FBXL6: variants seen among roughly 807,000 people sequenced by gnomAD.
The protein encoded by FBXL6 is F-box/LRR-repeat protein 6.
Under a neutral mutation model 53.3 loss-of-function variants are expected in FBXL6, and 50 were observed. The observed-to-expected ratio is 0.94, with a 90% confidence interval of 0.75 to 1.19. FBXL6 has a LOEUF of 1.19. FBXL6 is among the 50% of genes most tolerant of loss of function. The pLI is 0.00. For missense variants in FBXL6, 815 were observed against 719.0 expected (o/e 1.13, Z -1.53); for synonymous variants, 405 against 322.9 (o/e 1.25, Z -2.73).
At position 144,357,035 on chromosome 8, in the gene FBXL6, G is replaced by C. The variant is rs868959251; in HGVS notation, c.726C>G (p.Ala242=). Residue 242 remains alanine, a synonymous_variant, in exon 4 of 9, where the codon GCC becomes GCG. Coordinates refer to ENST00000331890, the MANE Select transcript of FBXL6 (RefSeq NM_012162.4). ...GGCTATGGAGCTGGCAGCAGGCTTT[G>C]GCTAGCATGACCAGAGCGTCAGCAG... ...GVTADALVML[A]KACCQLHSLD... 1 of 1,613,036 alleles carries C rather than the reference G, an allele frequency of 6.2e-7. No individual in the cohort carries two copies. Among genetic ancestry groups the C allele is most frequent in the Non-Finnish European group, 8.5e-7 (1 of 1,180,024 alleles).
Position 144,357,761 on chromosome 8 carries a change from G to A in FBXL6, c.442C>T (p.Gln148Ter). The change falls in exon 2 of 9, where the codon CAG becomes TAG. Residue 148 changes from glutamine (Q) to a stop codon, truncating the protein, a stop_gained. Coordinates refer to ENST00000331890, the MANE Select transcript of FBXL6 (RefSeq NM_012162.4). LOFTEE classifies it high-confidence loss of function. The part of the protein sequence containing the change: ...GRAARVCRRW[Q>*]EAASQPALWH... Reference sequence around the variant, plus strand: ...AGCGCGGGTTGGGAAGCGGCCTCCTGCCAGCGGCGGCACACGCGCGCAGCC... The same window carrying A: ...AGCGCGGGTTGGGAAGCGGCCTCCTACCAGCGGCGGCACACGCGCGCAGCC... 1.3e-6 allele frequency: 2 copies of A among 1,589,208 alleles called. No individual in the cohort carries two copies. Among genetic ancestry groups the A allele is most frequent in the Non-Finnish European group, 1.7e-6 (2 of 1,170,554 alleles).
chr8:144,356,642 C>T lies in FBXL6; in HGVS notation c.951G>A (p.Gln317=). 1.2e-6 allele frequency: 2 copies of T among 1,612,930 alleles called. No individual in the cohort carries two copies. Among genetic ancestry groups the T allele is most frequent in the Non-Finnish European group, 1.7e-6 (2 of 1,179,972 alleles). The change falls in exon 6 of 9, where the codon CAG becomes CAA. Residue 317 remains glutamine (Q), a synonymous_variant. Coordinates refer to ENST00000331890, the MANE Select transcript of FBXL6 (RefSeq NM_012162.4). ...CTTTCTGCAGAGCCTCGACAGGCAG[C>T]TGAAGGGGAATGCTATTACGGTTGA... ...TGINRNSIPL[Q]LPVEALQKGC... is the part of the protein sequence containing the mutation.
In FBXL6 at chr8:144,355,561, C is replaced by T. The variant is rs1554852510; in HGVS notation, c.1590G>A (p.Glu530=). The change falls in exon 9 of 9, where the codon GAG becomes GAA. Residue 530 remains glutamate, a synonymous_variant. Coordinates refer to ENST00000331890, the MANE Select transcript of FBXL6 (RefSeq NM_012162.4). The part of the protein sequence containing the change: ...RGLEEVQWCL[E]QLLTSPSPS ...TGGGTGAGGGGCTGGTGAGCAGCTG[C>T]TCCAGACACCACTGGACTTCCTCCA... The T allele has an allele frequency of 1.9e-6, 3 of 1,611,256 alleles. No individual in the cohort carries two copies. The highest frequency in any genetic ancestry group is 1.7e-6 in the Non-Finnish European group (2 of 1,179,908).
At position 144,355,535 on chromosome 8, in the gene FBXL6, C is replaced by G. The variant is rs782255518; in HGVS notation, c.1616G>C (p.Ser539Thr). ...GTGTCCCAGGTCTGTGGCTGCCTAG[C>G]TGGGTGAGGGGCTGGTGAGCAGCTG... ...LEQLLTSPSP[S>T] Residue 539 changes from serine to threonine, a missense_variant, in exon 9 of 9, where the codon AGC (serine) becomes ACC (threonine). Transcript: ENST00000331890. The G allele has an allele frequency of 6.2e-7, 1 of 1,608,212 alleles. No homozygotes were observed. The highest frequency in any genetic ancestry group is 1.3e-5 in the African/African-American group (1 of 74,830).
At position 144,357,611 on chromosome 8, in the gene FBXL6, G is replaced by T; in HGVS notation, c.575+17C>A. 6.2e-7 allele frequency: 1 copy of T among 1,605,650 alleles called. No homozygotes were observed. Among genetic ancestry groups the T allele is most frequent in the South Asian group, 1.1e-5 (1 of 90,720 alleles). ...GGAGCCTGGAGCCAGGGGTAAGGAAGAGAGGGAACCCCTCACCGATTGGGC... is the reference window on the plus strand; with the variant it reads ...GGAGCCTGGAGCCAGGGGTAAGGAATAGAGGGAACCCCTCACCGATTGGGC... On this transcript the variant is annotated intron_variant, in intron 2 of 8. Coordinates refer to ENST00000331890, the MANE Select transcript of FBXL6 (RefSeq NM_012162.4).
chr8:144,358,190 C>T lies in FBXL6; in HGVS notation c.258G>A (p.Arg86=). The change falls in exon 1 of 9, where the codon AGG becomes AGA. Residue 86 remains arginine (R), a synonymous_variant. Coordinates refer to ENST00000331890, the MANE Select transcript of FBXL6 (RefSeq NM_012162.4). ...GTGCGGGCGCGGCCGCCGCCTCGGACCTGAGCCCGGCCTTGGGCTTGGCCG... is the reference window on the plus strand; with the variant it reads ...GTGCGGGCGCGGCCGCCGCCTCGGATCTGAGCCCGGCCTTGGGCTTGGCCG... ...SAAAKPKAGL[R]SEAAAAPAPA... The T allele has an allele frequency of 7.2e-7, 1 of 1,390,746 alleles. No individual in the cohort carries two copies. The highest frequency in any genetic ancestry group is 9.3e-7 in the Non-Finnish European group (1 of 1,078,100). 86.2% of individuals were successfully genotyped at this position (1,390,746 alleles called of 1,614,324 possible).
chr8:144,355,767 C>G (rs1211191504), intron 8 of FBXL6, 89 bp from the exon 9 acceptor site: 1 of 1,548,954 alleles, frequency 6.5e-7, no homozygotes, highest in African/African-American at 1.4e-5. Context: ...GTGTTCGACA[C>G]CTGGCTCTGC....
At chr8:144,355,850 G>A in intron 8 of FBXL6, 118 bp downstream of exon 8, 2 of 1,538,266 alleles carry the variant, frequency 1.3e-6, no homozygotes, top group Non-Finnish European at 1.8e-6. Context: ...GGCTTGGACA[G>A]TATGCATGCC....
chr8:144,358,100 G>C lies in FBXL6; in HGVS notation c.348C>G (p.Pro116=). 3.8e-6 allele frequency: 6 copies of C among 1,597,288 alleles called. No individual in the cohort carries two copies. Among genetic ancestry groups the C allele is most frequent in the Non-Finnish European group, 5.1e-6 (6 of 1,175,054 alleles). Residue 116 remains proline (P), a synonymous_variant, in exon 1 of 9, where the codon CCC becomes CCG. Coordinates refer to ENST00000331890, the MANE Select transcript of FBXL6 (RefSeq NM_012162.4). ...GPDAGWGDRI[P]LEILVQIFGL... is the part of the protein sequence containing the mutation. ...CGAAAATCTGCACCAGGATTTCCAA[G>C]GGAATGCGGTCTCCCCAGCCCGCGT...
rs200585055 is a variant in FBXL6 at position 144,356,520 on chromosome 8, C to G, written c.1005G>C (p.Leu335=). 4 of 1,612,826 alleles carry G rather than the reference C, an allele frequency of 2.5e-6. No homozygotes were observed. The highest frequency in any genetic ancestry group is 3.4e-6 in the Non-Finnish European group (4 of 1,179,986). Residue 335 remains leucine, a synonymous_variant, in exon 7 of 9, where the codon CTG becomes CTC. Coordinates refer to ENST00000331890, the MANE Select transcript of FBXL6 (RefSeq NM_012162.4). Reference sequence around the variant, plus strand: ...GCTTGGGCAGCCACATCAGGTTCAACAGCCGCAGCACCTGGGGGCAAGGTC... The same window carrying G: ...GCTTGGGCAGCCACATCAGGTTCAAGAGCCGCAGCACCTGGGGGCAAGGTC... ...KGCPQLQVLR[L]LNLMWLPKPP...
intron 3 of FBXL6, 130 bp from the exon 4 acceptor site, chr8:144,357,251 G>T: frequency 7.4e-7 from 1 of 1,359,206 alleles, no homozygotes; most frequent in South Asian, 1.4e-5. Flanking sequence ...CCCATGCCAG[G>T]CCTACTTGGG....
In FBXL6 at chr8:144,356,535, G is replaced by A. The variant is rs868975164; in HGVS notation, c.994-4C>T. ...TCAGGTTCAACAGCCGCAGCACCTG[G>A]GGGCAAGGTCCAGGCTGTAGATGGG... On this transcript the variant is annotated splice_region_variant and splice_polypyrimidine_tract_variant and intron_variant, in intron 6 of 8. Transcript: ENST00000331890. 1.2e-6 allele frequency: 2 copies of A among 1,612,932 alleles called. No homozygotes were observed. The highest frequency in any genetic ancestry group is 1.7e-6 in the Non-Finnish European group (2 of 1,179,926).
intron 8 of FBXL6, 38 bp downstream of exon 8, chr8:144,355,918 ACACAGTGACAGC>A (rs1461491996): frequency 6.2e-7 from 1 of 1,602,692 alleles, no homozygotes; most frequent in Non-Finnish European, 8.5e-7. Context: ...CCCCAGGCAG[ACACAGTGACAGC>A]CACACTGGCT....
Position 144,356,805 on chromosome 8 carries a change from T to TA in FBXL6, c.879+2dup. 6.2e-7 allele frequency: 1 copy of TA among 1,613,196 alleles called. No homozygotes were observed. Among genetic ancestry groups the TA allele is most frequent in the Non-Finnish European group, 8.5e-7 (1 of 1,179,972 alleles). On this transcript the variant is annotated splice_region_variant and intron_variant, in intron 5 of 8. Coordinates refer to ENST00000331890, the MANE Select transcript of FBXL6 (RefSeq NM_012162.4). ...GCCTCTGCTCCCACCAATGCCAACT[T>TA]ACCAGCAGTGCGCCCAGGATGGCTG...
In FBXL6 at chr8:144,358,137, T is replaced by C; in HGVS notation, c.311A>G (p.Glu104Gly). 1.3e-6 allele frequency: 2 copies of C among 1,564,282 alleles called. No homozygotes were observed. The highest frequency in any genetic ancestry group is 2.8e-5 in the African/African-American group (2 of 70,650). Residue 104 changes from glutamate (E) to glycine (G), a missense_variant, in exon 1 of 9, where the codon GAG becomes GGG. Transcript: ENST00000331890. ...TCCCCAGCCCGCGTCGGGCCCTTCC[T>C]CGGGCGTGGGCGTGGGTGCCGGTGC... ...APAPAPTPTP[E>G]EGPDAGWGDR...
In FBXL6 at chr8:144,358,262, G is replaced by T; in HGVS notation, c.186C>A (p.Arg62=). ...GCTGCCGGGGAGTGCGGCGGGAAGC[G>T]CGCCGCTGTGCGCGGGGCCGGGCGG... The part of the protein sequence containing the change: ...PGPARPRAQR[R]ASRRTPRQPP... The change falls in exon 1 of 9, where the codon CGC becomes CGA. Residue 62 remains arginine (R), a synonymous_variant. Transcript: ENST00000331890. 8.2e-7 allele frequency: 1 copy of T among 1,220,278 alleles called. No homozygotes were observed. The highest frequency in any genetic ancestry group is 1.0e-6 in the Non-Finnish European group (1 of 980,376). 75.6% of individuals were successfully genotyped at this position (1,220,278 alleles called of 1,614,324 possible).
intron 5 of FBXL6, 38 bp from the exon 6 acceptor site, chr8:144,356,751 G>C: frequency 6.2e-7 from 1 of 1,611,440 alleles, no homozygotes; most frequent in Non-Finnish European, 8.5e-7. Flanking sequence ...CACAGGGTCA[G>C]TGGCCTGGCA....
chr8:144,357,298 A>G (rs1306566683), intron 3 of FBXL6, 141 bp downstream of exon 3: 2 of 1,268,552 alleles, frequency 1.6e-6, no homozygotes, highest in Admixed American at 4.6e-5. Flanking sequence ...TGGAGGAAAC[A>G]GCAGGAAAAG....
In FBXL6 at chr8:144,356,180, C is replaced by T. The variant is rs1163551355; in HGVS notation, c.1260G>A (p.Thr420=). 3.7e-6 allele frequency: 6 copies of T among 1,612,616 alleles called. No individual in the cohort carries two copies. Among genetic ancestry groups the T allele is most frequent in the South Asian group, 2.2e-5 (2 of 91,094 alleles). The change falls in exon 8 of 9, where the codon ACG becomes ACA. Residue 420 remains threonine (T), a synonymous_variant. Transcript: ENST00000331890. ...LEQLHLGLYG[T]SDRLTLAKEG... is the part of the protein sequence containing the mutation. ...CCTTGGCTAGAGTCAGCCGGTCTGA[C>T]GTGCCATACAGGCCCAGATGAAGCT...
Sources: gnomAD v4.1 joint callset for allele counts on GRCh38, gnomAD v4.1.1 for gene constraint, MANE v1.5 for transcripts, NCBI Gene and HGNC (gene_info 2026-07-23, HGNC 2026-07-21) for gene names.